The following CAMTA1 variants were observed in gnomAD, a reference collection of about 807,000 sequenced individuals.
CAMTA1 encodes calmodulin binding transcription activator 1.
Under a neutral mutation model 170.9 loss-of-function variants are expected in CAMTA1, and 27 were observed. The observed-to-expected ratio is 0.16, with a 90% CI of 0.12 to 0.22. The LOEUF is 0.22. Among genes scored for constraint, CAMTA1 ranks in the 10% least tolerant of loss-of-function variants. CAMTA1 has a pLI of 1.00. For missense variants in CAMTA1, 1,619 were observed against 2,217.2 expected (o/e 0.73, Z 5.42); for synonymous variants, 833 against 891.5 (o/e 0.93, Z 1.17).
At chr1:7,766,426 A>G in intron 22 of CAMTA1, 33 bp from the exon 23 acceptor site, 2 of 1,612,144 alleles carry the variant, frequency 1.2e-6, no homozygotes, top group Non-Finnish European at 1.7e-6. Context: ...CTATAGAGTT[A>G]TCGCCTGCTG....
chr1:7,205,260 T>C (rs898000814), intron 4 of CAMTA1, among the ~76,000 whole-genome samples: 3 of 152,130 alleles, frequency 2.0e-5, no homozygotes, highest in African/African-American at 7.2e-5. Flanking sequence ...TGCGCCACCA[T>C]GCCTGGCTAA....
At chr1:6,801,108 G>T (rs950674054) in intron 1 of CAMTA1, among the ~76,000 whole-genome samples, 3 of 152,282 alleles carry the variant, frequency 2.0e-5, no homozygotes, top group Middle Eastern at 3.4e-3. Context: ...CTTCCTAGGG[G>T]TCCTCCAGAA....
At chr1:6,825,463 G>A (rs1646998026) in intron 3 of CAMTA1, among the ~76,000 whole-genome samples, 1 of 152,166 alleles carries the variant, frequency 6.6e-6, no homozygotes, top group Admixed American at 6.5e-5. Context: ...GTTTCTGTCT[G>A]TGTTTTCTTG....
intron 6 of CAMTA1, among the ~76,000 whole-genome samples, chr1:7,506,486 T>C (rs2094112724): frequency 2.6e-5 from 4 of 151,732 alleles, no homozygotes; most frequent in Non-Finnish European, 1.5e-5. Flanking sequence ...AAATTCACAC[T>C]AACACTTCAT....
chr1:7,648,753 C>T (rs180821781), intron 7 of CAMTA1, among the ~76,000 whole-genome samples: 138 of 152,348 alleles, frequency 9.1e-4, no homozygotes, highest in Non-Finnish European at 1.3e-3. Flanking sequence ...CTCAGAACCA[C>T]CTGGGAGGGG....
chr1:7,494,198 G>GAA (rs111487488), intron 6 of CAMTA1, among the ~76,000 whole-genome samples: 99,143 of 151,116 alleles, frequency 0.66, 33,710 homozygotes, highest in African/African-American at 0.83. Context: ...GTTCAGAGGG[G>GAA]GAAAAATCTG....
intron 4 of CAMTA1, among the ~76,000 whole-genome samples, chr1:7,227,404 C>T (rs549493636): frequency 9.9e-5 from 15 of 151,984 alleles, no homozygotes; most frequent in East Asian, 2.0e-4. Context: ...CTTGGCTCAC[C>T]GCAACCTCTG....
chr1:7,631,453 C>CAAT (rs2095668364), intron 6 of CAMTA1, among the ~76,000 whole-genome samples: 1 of 152,186 alleles, frequency 6.6e-6, no homozygotes, highest in Non-Finnish European at 1.5e-5. Context: ...ACAGGGATAG[C>CAAT]AATACCACTT....
At chr1:7,274,764 G>C (rs1319584655) in intron 5 of CAMTA1, among the ~76,000 whole-genome samples, 1 of 151,974 alleles carries the variant, frequency 6.6e-6, no homozygotes, top group Non-Finnish European at 1.5e-5. Context: ...TTCAATAGCA[G>C]AATAAATATC....
At chr1:7,118,519 C>T (rs1194446087) in intron 4 of CAMTA1, among the ~76,000 whole-genome samples, 1 of 151,704 alleles carries the variant, frequency 6.6e-6, no homozygotes, top group Non-Finnish European at 1.5e-5. Flanking sequence ...AGGCTGTTGG[C>T]ATCCCACAAG....
intron 5 of CAMTA1, among the ~76,000 whole-genome samples, chr1:7,324,557 T>C (rs1018354265): frequency 2.6e-5 from 4 of 152,194 alleles, no homozygotes; most frequent in African/African-American, 4.8e-5. Context: ...TCTTTCGCCA[T>C]GTTTTCAATT....
intron 5 of CAMTA1, among the ~76,000 whole-genome samples, chr1:7,433,378 G>A (rs1418962414): frequency 6.6e-6 from 1 of 152,224 alleles, no homozygotes; most frequent in Non-Finnish European, 1.5e-5. Flanking sequence ...TGGGACTGTG[G>A]CAGCTGGGAG....
In CAMTA1 at chr1:7,435,999, G is replaced by C. The variant is rs1194210366; in HGVS notation, c.439-31831G>C. On this transcript the variant is annotated intron_variant, in intron 5 of 22. Transcript: ENST00000303635. The surrounding 1 kb of genome is among the most constrained non-coding windows in gnomAD (Gnocchi z 4.4). Reference sequence around the variant, plus strand: ...GCCACCACCCTGAGCTTGCAGCAGAGAACCAGCCCAATTTGCAAGCAGGAG... The same window carrying C: ...GCCACCACCCTGAGCTTGCAGCAGACAACCAGCCCAATTTGCAAGCAGGAG... 6.6e-6 allele frequency among the ~76,000 whole-genome samples: 1 copy of C among 152,200 alleles called. No homozygotes were observed. The highest frequency in any genetic ancestry group is 1.5e-5 in the Non-Finnish European group (1 of 68,034).
intron 3 of CAMTA1, among the ~76,000 whole-genome samples, chr1:6,828,837 G>T (rs1286464834): frequency 6.8e-6 from 1 of 147,386 alleles, no homozygotes; most frequent in Non-Finnish European, 1.5e-5. Context: ...CTCTATAGGA[G>T]TTTAATCAAA....
chr1:7,346,335 C>T (rs963850011), intron 5 of CAMTA1, among the ~76,000 whole-genome samples: 47 of 152,202 alleles, frequency 3.1e-4, no homozygotes, highest in African/African-American at 1.0e-3. Flanking sequence ...AGTGCCTAGG[C>T]AGTTCCTCAG....
At chr1:7,031,743 G>A (rs1244463568) in intron 3 of CAMTA1, among the ~76,000 whole-genome samples, 5 of 151,850 alleles carry the variant, frequency 3.3e-5, no homozygotes, top group African/African-American at 7.3e-5. Flanking sequence ...GGGTTTCACT[G>A]TGTTAGCCAG....
intron 6 of CAMTA1, among the ~76,000 whole-genome samples, chr1:7,519,195 G>T (rs1257890500): frequency 1.3e-5 from 2 of 152,114 alleles, no homozygotes; most frequent in Non-Finnish European, 2.9e-5. Context: ...GTGCCCTGAT[G>T]CCGGCTGGCA....
chr1:7,416,411 T>G, intron 5 of CAMTA1, among the ~76,000 whole-genome samples: 1 of 152,240 alleles, frequency 6.6e-6, no homozygotes, highest in East Asian at 1.9e-4. Flanking sequence ...CAGACGTAGA[T>G]TTGGTCTTTT....
chr1:7,504,864 C>T (rs538032903), intron 6 of CAMTA1, among the ~76,000 whole-genome samples: 2 of 152,286 alleles, frequency 1.3e-5, no homozygotes, highest in Non-Finnish European at 2.9e-5. Flanking sequence ...ATGCCATGCC[C>T]ACCACCTCAC....
Sources: gnomAD v4.1 joint callset for allele counts (sites outside exome capture counted in the v4.1 genomes callset) on GRCh38, gnomAD v4.1.1 for gene constraint, Gnocchi (gnomAD v3.1) non-coding constraint, MANE v1.5 for transcripts, NCBI Gene and HGNC (gene_info 2026-07-23, HGNC 2026-07-21) for gene names.